The following INPP5A variants were observed in gnomAD, a reference collection of about 807,000 sequenced individuals.
The protein encoded by INPP5A is inositol polyphosphate-5-phosphatase A, also known as 43 kDa inositol polyphosphate 5-phophatase.
Under a neutral mutation model 65.2 loss-of-function variants are expected in INPP5A, and 14 were observed. That is an observed-to-expected ratio of 0.21 (90% CI 0.14 to 0.34). The LOEUF (loss-of-function observed/expected upper bound fraction) is 0.34, where lower values mean the gene tolerates loss of function less well. INPP5A is among the 10% of genes least tolerant of loss of function. The pLI is 1.00. For missense variants in INPP5A, 431 were observed against 545.6 expected (o/e 0.79, Z 2.09); for synonymous variants, 207 against 208.3 (o/e 0.99, Z 0.05).
intron 9 of INPP5A, among the ~76,000 whole-genome samples, chr10:132,731,206 C>CCCCCGG (rs1846078680): frequency 6.6e-6 from 1 of 152,210 alleles, no homozygotes; most frequent in African/African-American, 2.4e-5. Context: ...GGTCAGAGAA[C>CCCCCGG]AGAGAAGGCG....
chr10:132,751,326 A>G (rs994752923), intron 11 of INPP5A, among the ~76,000 whole-genome samples: 1 of 152,076 alleles, frequency 6.6e-6, no homozygotes, highest in Non-Finnish European at 1.5e-5. Flanking sequence ...CTGTCCCCAC[A>G]TGGCCCCATC....
chr10:132,565,206 C>T (rs1004926616), intron 1 of INPP5A, among the ~76,000 whole-genome samples: 1 of 152,180 alleles, frequency 6.6e-6, no homozygotes, highest in Non-Finnish European at 1.5e-5. Flanking sequence ...ACCTTCTGGG[C>T]ACAAGGGATC....
intron 1 of INPP5A, among the ~76,000 whole-genome samples, chr10:132,540,998 T>G (rs1374964676): frequency 3.7e-4 from 54 of 146,506 alleles, no homozygotes; most frequent in East Asian, 1.0e-3. Flanking sequence ...CTCCCCCTCT[T>G]GTTTTTGTTT....
intron 1 of INPP5A, among the ~76,000 whole-genome samples, chr10:132,583,815 TTTATTGCTGTA>T: frequency 6.6e-6 from 1 of 152,142 alleles, no homozygotes; most frequent in Admixed American, 6.5e-5. Context: ...GGCACAGTGG[TTTATTGCTGTA>T]ATCCCAGCAC....
chr10:132,613,359 C>T (rs953405939), intron 2 of INPP5A, among the ~76,000 whole-genome samples: 1 of 152,038 alleles, frequency 6.6e-6, no homozygotes, highest in African/African-American at 2.4e-5. Context: ...CCCTGCTGGG[C>T]GGTTTGTGGG....
rs759883659 is a variant in INPP5A, at chr10:132,777,857, A to G, written c.1089+75A>G. The G allele has an allele frequency of 3.8e-6, 6 of 1,567,024 alleles. No individual in the cohort carries two copies. In the Middle Eastern group the frequency reaches 7.1e-4, roughly 185 times the overall value. ...GGTCTGGTCTGGCCCAGCCCTGGTG[A>G]CAGGGCCCCAGGGGTGGGGGCACCC... On this transcript the variant is annotated intron_variant, in intron 13 of 15. Coordinates refer to ENST00000368594, the MANE Select transcript of INPP5A (RefSeq NM_005539.5).
intron 4 of INPP5A, among the ~76,000 whole-genome samples, chr10:132,656,857 G>C (rs2072663563): frequency 6.6e-6 from 1 of 152,218 alleles, no homozygotes; most frequent in Non-Finnish European, 1.5e-5. Context: ...GGCTCCACAG[G>C]CCTGGGCACT....
rs1439616211 is a variant in INPP5A at position 132,659,461 on chromosome 10, G to A, written c.306+8956G>A. On this transcript the variant is annotated intron_variant, in intron 4 of 15. Transcript: ENST00000368594. This position sits in a 1 kb window ranked among gnomAD's most constrained non-coding sequence, Gnocchi z 5.5. Reference sequence around the variant, plus strand: ...CCCTGTGGGGTGCATCCACGGACGCGGGTCTGGAGGCGCTGCTGTCTAAGC... The same window carrying A: ...CCCTGTGGGGTGCATCCACGGACGCAGGTCTGGAGGCGCTGCTGTCTAAGC... Among the ~76,000 whole-genome samples the A allele has an allele frequency of 2.6e-5, 4 of 152,188 alleles. No individual in the cohort carries two copies. Among genetic ancestry groups the A allele is most frequent in the East Asian group, 3.9e-4 (2 of 5,192 alleles).
chr10:132,583,088 G>T (rs1564924058), intron 1 of INPP5A, among the ~76,000 whole-genome samples: 1 of 152,190 alleles, frequency 6.6e-6, no homozygotes, highest in East Asian at 1.9e-4. Flanking sequence ...TTTACTGAGG[G>T]TGTCTTTAAT....
intron 1 of INPP5A, among the ~76,000 whole-genome samples, chr10:132,574,971 G>A (rs928101311): frequency 1.3e-5 from 2 of 152,182 alleles, no homozygotes; most frequent in Non-Finnish European, 2.9e-5. Context: ...GAGCTGTCTA[G>A]CCTGGAAGCC....
intron 11 of INPP5A, among the ~76,000 whole-genome samples, chr10:132,759,976 G>A (rs541770536): frequency 3.6e-4 from 55 of 152,324 alleles, no homozygotes; most frequent in African/African-American, 1.2e-3. Flanking sequence ...GCTCAGCCAC[G>A]CAGCACCGTG....
Position 132,771,521 on chromosome 10 carries a change from C to A in INPP5A, c.977+5675C>A, listed in dbSNP as rs181163221. 2.1e-3 allele frequency among the ~76,000 whole-genome samples: 317 copies of A among 151,870 alleles called. 3 individuals are homozygous for A. The highest frequency in any genetic ancestry group is 6.3e-3 in the African/African-American group (259 of 41,380). On this transcript the variant is annotated intron_variant, in intron 12 of 15. Coordinates refer to ENST00000368594, the MANE Select transcript of INPP5A (RefSeq NM_005539.5). Reference sequence around the variant, plus strand: ...GTCAATGTAGATCTCCCCTCTCAGACTGCCGCAGGGGTCCCAGGGACCCAC... The same window carrying A: ...GTCAATGTAGATCTCCCCTCTCAGAATGCCGCAGGGGTCCCAGGGACCCAC...
chr10:132,729,227 G>A (rs1437465584), intron 9 of INPP5A, among the ~76,000 whole-genome samples: 5 of 152,172 alleles, frequency 3.3e-5, no homozygotes, highest in African/African-American at 4.8e-5. Flanking sequence ...GAGGCATGGC[G>A]GGAGAACAGT....
Position 132,644,635 on chromosome 10 carries a change from C to T in INPP5A, c.118-1233C>T, listed in dbSNP as rs1447080671. 1.3e-5 allele frequency among the ~76,000 whole-genome samples: 2 copies of T among 152,362 alleles called. No individual in the cohort carries two copies. The highest frequency in any genetic ancestry group is 4.8e-5 in the African/African-American group (2 of 41,584). On this transcript the variant is annotated intron_variant, in intron 2 of 15. Transcript: ENST00000368594. This position sits in a 1 kb window ranked among gnomAD's most constrained non-coding sequence, Gnocchi z 6.5. ...ACAGACAGCACCGGCCCCTTCTCTCCCCGCCTTTCCGCTCCTCCAAGGAAG... is the reference window on the plus strand; with the variant it reads ...ACAGACAGCACCGGCCCCTTCTCTCTCCGCCTTTCCGCTCCTCCAAGGAAG...
intron 1 of INPP5A, among the ~76,000 whole-genome samples, chr10:132,558,949 G>A (rs1234216588): frequency 2.6e-5 from 4 of 152,284 alleles, no homozygotes; most frequent in African/African-American, 9.6e-5. Flanking sequence ...CTCTGCTCAC[G>A]GTGCCCACCC....
intron 4 of INPP5A, among the ~76,000 whole-genome samples, chr10:132,656,436 C>T (rs1373367573): frequency 6.6e-6 from 1 of 152,228 alleles, no homozygotes. Flanking sequence ...TCCAGGGACA[C>T]CCCTGCCCCC....
At chr10:132,709,947 C>T (rs1010118279) in intron 7 of INPP5A, among the ~76,000 whole-genome samples, 1 of 152,216 alleles carries the variant, frequency 6.6e-6, no homozygotes, top group African/African-American at 2.4e-5. Flanking sequence ...GTCCCTGTGC[C>T]CCCAACCCTG....
intron 4 of INPP5A, among the ~76,000 whole-genome samples, chr10:132,664,929 G>A (rs1038294295): frequency 3.3e-5 from 5 of 152,330 alleles, no homozygotes; most frequent in East Asian, 1.9e-4. Flanking sequence ...CGGAGTCCCC[G>A]ATGTAGGCTT....
At chr10:132,662,197 C>T (rs960483271) in intron 4 of INPP5A, among the ~76,000 whole-genome samples, 3 of 152,036 alleles carry the variant, frequency 2.0e-5, no homozygotes, top group South Asian at 2.1e-4. Context: ...CTGCAGCCGT[C>T]GTGTTAGTGC....
Sources: gnomAD v4.1 joint callset for allele counts (sites outside exome capture counted in the v4.1 genomes callset) on GRCh38, gnomAD v4.1.1 for gene constraint, Gnocchi (gnomAD v3.1) non-coding constraint, MANE v1.5 for transcripts, NCBI Gene and HGNC (gene_info 2026-07-23, HGNC 2026-07-21) for gene names.